Variants in KYNU observed in about 807,000 individuals in gnomAD.
The protein encoded by KYNU is L-kynurenine hydrolase.
A neutral mutation model predicts 59.2 loss-of-function variants in KYNU; 54 were observed. The observed-to-expected ratio is 0.91, with a 90% CI of 0.73 to 1.14. The LOEUF (loss-of-function observed/expected upper bound fraction) is 1.14. KYNU is among the 50% of genes most tolerant of loss of function. The pLI is 0.00. For missense variants in KYNU, 567 were observed against 554.4 expected, an observed-to-expected ratio of 1.02 and a Z score of -0.23; for synonymous variants, 177 against 192.0, an observed-to-expected ratio of 0.92 and a Z score of 0.65.
At chr2:143,018,594 T>C (rs1340094818) in intron 10 of KYNU, among the ~76,000 whole-genome samples, 1 of 152,232 alleles carries the variant, frequency 6.6e-6, no homozygotes, top group Non-Finnish European at 1.5e-5. Context: ...TTGTTATTTC[T>C]GCTTAGGATT....
At chr2:142,905,048 C>T (rs929663274) in intron 2 of KYNU, among the ~76,000 whole-genome samples, 9 of 152,272 alleles carry the variant, frequency 5.9e-5, no homozygotes, top group Admixed American at 3.3e-4. Flanking sequence ...TATGCAAATT[C>T]GTTTCAGAGA....
rs146915436 is a variant in KYNU, at chr2:142,962,270, G to A, written c.729+1500G>A. 6.3e-4 allele frequency among the ~76,000 whole-genome samples: 96 copies of A among 152,270 alleles called. 2 individuals are homozygous for A. The South Asian group carries it at 8.5e-3, about 13-fold the overall frequency. On this transcript the variant is annotated intron_variant, in intron 8 of 13. Coordinates refer to ENST00000264170, the MANE Select transcript of KYNU (RefSeq NM_003937.3). ...CACACAATCTGAGGTTCAAATCTTG[G>A]CTAGGTCATTTAATTGTTACACAAT... is the stretch of plus-strand genomic sequence containing the variant.
At chr2:142,996,513 C>G (rs1264385505) in intron 10 of KYNU, among the ~76,000 whole-genome samples, 1 of 152,016 alleles carries the variant, frequency 6.6e-6, no homozygotes, top group Non-Finnish European at 1.5e-5. Context: ...CCCCCATTGT[C>G]CTGAACTTAC....
At chr2:143,001,603 G>T (rs1026993896) in intron 10 of KYNU, among the ~76,000 whole-genome samples, 1 of 152,034 alleles carries the variant, frequency 6.6e-6, no homozygotes, top group African/African-American at 2.4e-5. Context: ...TTTCCTGCTG[G>T]CTTGTTAAGA....
At chr2:142,999,697 A>T (rs891860800) in intron 10 of KYNU, among the ~76,000 whole-genome samples, 1 of 152,184 alleles carries the variant, frequency 6.6e-6, no homozygotes, top group Non-Finnish European at 1.5e-5. Flanking sequence ...TACATTAAAA[A>T]TGTAATATCA....
chr2:143,013,875 C>G (rs1207544515), intron 10 of KYNU, among the ~76,000 whole-genome samples: 1 of 152,218 alleles, frequency 6.6e-6, no homozygotes, highest in Non-Finnish European at 1.5e-5. Flanking sequence ...CCCTTTTGGT[C>G]AACTGCTCTC....
intron 10 of KYNU, among the ~76,000 whole-genome samples, chr2:142,992,578 A>G (rs1246919927): frequency 6.6e-6 from 1 of 151,824 alleles, no homozygotes; most frequent in Non-Finnish European, 1.5e-5. Context: ...TCATATTTTC[A>G]TTTGTCATCA....
chr2:143,040,094 C>T (rs527309210), intron 12 of KYNU, among the ~76,000 whole-genome samples: 2 of 152,146 alleles, frequency 1.3e-5, no homozygotes, highest in South Asian at 4.1e-4. Context: ...TTAATGTAAC[C>T]ACTCGGTCAG....
intron 10 of KYNU, among the ~76,000 whole-genome samples, chr2:143,017,729 T>G (rs1227367029): frequency 2.0e-5 from 3 of 152,082 alleles, no homozygotes; most frequent in African/African-American, 7.2e-5. Flanking sequence ...TGAGCCATAA[T>G]GCCCGGCCAT....
intron 8 of KYNU, among the ~76,000 whole-genome samples, chr2:142,965,789 G>A (rs1488512219): frequency 6.6e-6 from 1 of 152,122 alleles, no homozygotes; most frequent in East Asian, 1.9e-4. Context: ...AGAGGAAGGG[G>A]TTGGGAATGG....
At chr2:142,881,227 A>G (rs1681286212) in intron 1 of KYNU, 1 of 152,264 alleles carries the variant, frequency 6.6e-6, no homozygotes, top group Admixed American at 6.5e-5. Flanking sequence ...TGAAAGCACC[A>G]TCCATCAATG....
chr2:143,020,961 CTT>C (rs1686390261), intron 10 of KYNU, among the ~76,000 whole-genome samples: 1 of 152,100 alleles, frequency 6.6e-6, no homozygotes, highest in African/African-American at 2.4e-5. Flanking sequence ...CATAATCAGA[CTT>C]TTGTATTTTT....
intron 2 of KYNU, among the ~76,000 whole-genome samples, chr2:142,914,222 A>T (rs1682598362): frequency 6.6e-6 from 1 of 152,212 alleles, no homozygotes; most frequent in Admixed American, 6.5e-5. Context: ...ACTCTCACTC[A>T]TCAACCCTTT....
chr2:142,957,750 T>C, intron 7 of KYNU, 35 bp downstream of exon 7: 1 of 1,295,142 alleles, frequency 7.7e-7, no homozygotes, highest in Non-Finnish European at 1.1e-6. Context: ...TGTCATGCTT[T>C]GTTTAGTATT....
intron 4 of KYNU, among the ~76,000 whole-genome samples, chr2:142,940,433 C>G (rs1472687443): frequency 1.3e-5 from 2 of 152,058 alleles, no homozygotes; most frequent in African/African-American, 4.8e-5. Flanking sequence ...ATAAATCCTG[C>G]AAAAAGATGT....
At chr2:142,989,466 A>G (rs775409791) in intron 10 of KYNU, 140 of 984,914 alleles carry the variant, frequency 1.4e-4, no homozygotes, top group Non-Finnish European at 1.6e-4. Context: ...TTTGTGAAGT[A>G]GTCTTTGTTG....
chr2:142,904,973 A>T (rs753917182), intron 2 of KYNU, among the ~76,000 whole-genome samples: 1 of 152,154 alleles, frequency 6.6e-6, no homozygotes, highest in Non-Finnish European at 1.5e-5. Context: ...AGCTGGGCTG[A>T]GTTCCTGAGT....
Position 143,040,531 on chromosome 2 carries a change from C to T in KYNU, c.1145C>T (p.Ala382Val). 1.2e-6 allele frequency: 2 copies of T among 1,613,220 alleles called. No homozygotes were observed. The highest frequency in any genetic ancestry group is 1.7e-6 in the Non-Finnish European group (2 of 1,179,450). ...IKHNYGKDKA[A>V]TKKPVVNIIT... Reference sequence around the variant, plus strand: ...CATAACTATGGCAAAGATAAAGCAGCAACCAAGAAACCAGTTGTGAACATA... The same window carrying T: ...CATAACTATGGCAAAGATAAAGCAGTAACCAAGAAACCAGTTGTGAACATA... The change falls in exon 13 of 14, where the codon GCA becomes GTA. Residue 382 changes from alanine (A) to valine (V), a missense_variant. Transcript: ENST00000264170.
At chr2:142,897,029 A>T (rs1681901570) in intron 2 of KYNU, among the ~76,000 whole-genome samples, 1 of 152,146 alleles carries the variant, frequency 6.6e-6, no homozygotes, top group Non-Finnish European at 1.5e-5. Context: ...CCCATAATTT[A>T]TTTAGAAGTG....
Sources: gnomAD v4.1 joint callset for allele counts (sites outside exome capture counted in the v4.1 genomes callset) on GRCh38, gnomAD v4.1.1 for gene constraint, MANE v1.5 for transcripts, NCBI Gene and HGNC (gene_info 2026-07-23, HGNC 2026-07-21) for gene names.